ERC2: variants seen among roughly 807,000 people sequenced by gnomAD.
The protein encoded by ERC2 is ERC protein 2.
In ERC2, 42 loss-of-function variants were observed where a neutral mutation model predicts 114.8. That is an observed-to-expected ratio of 0.37 (90% CI 0.29 to 0.47). ERC2 has a LOEUF of 0.47. Ranked by LOEUF, ERC2 falls within the 20% of genes least tolerant of loss-of-function variation. ERC2 has a pLI of 0.99. For synonymous variants in ERC2, 454 were observed against 425.5 expected (o/e 1.07, Z -0.82); for missense variants, 939 against 1,150.7 (o/e 0.82, Z 2.66).
chr3:56,467,663 C>G (rs2063609792), intron 1 of ERC2, among the ~76,000 whole-genome samples: 1 of 151,988 alleles, frequency 6.6e-6, no homozygotes, highest in Non-Finnish European at 1.5e-5. Flanking sequence ...ACATCGTATT[C>G]CTTTTCATAC....
chr3:56,454,277 A>G (rs1156694938), intron 1 of ERC2, among the ~76,000 whole-genome samples: 1 of 152,182 alleles, frequency 6.6e-6, no homozygotes, highest in Non-Finnish European at 1.5e-5. Flanking sequence ...TTAGGTTAAG[A>G]TCTTGCAAGC....
chr3:55,997,883 T>G (rs1394184641), intron 10 of ERC2, among the ~76,000 whole-genome samples: 403 of 10,084 alleles, frequency 0.04, 3 homozygotes, highest in South Asian at 0.11. Flanking sequence ...TAATTCTGTT[T>G]TTTTTTTTTT....
At chr3:55,578,167 C>T (rs2057082403) in intron 17 of ERC2, among the ~76,000 whole-genome samples, 1 of 152,222 alleles carries the variant, frequency 6.6e-6, no homozygotes, top group Non-Finnish European at 1.5e-5. Context: ...ACTGGGTCTT[C>T]CAAATTTACT....
chr3:56,250,679 C>A (rs1022713347), intron 3 of ERC2, among the ~76,000 whole-genome samples: 1 of 152,144 alleles, frequency 6.6e-6, no homozygotes, highest in African/African-American at 2.4e-5. Flanking sequence ...TAAAAGCTCC[C>A]TTTCCATCAA....
intron 14 of ERC2, among the ~76,000 whole-genome samples, chr3:55,771,932 C>A (rs1481002278): frequency 6.6e-6 from 1 of 152,152 alleles, no homozygotes; most frequent in Non-Finnish European, 1.5e-5. Context: ...CCTTCACAAA[C>A]AACCACTCAC....
Position 55,734,764 on chromosome 3 carries a change from G to A in ERC2, c.2712+7C>T. On this transcript the variant is annotated splice_region_variant and intron_variant, in intron 15 of 17. Coordinates refer to ENST00000288221, the MANE Select transcript of ERC2 (RefSeq NM_015576.3). Reference sequence around the variant, plus strand: ...GAAAAACACACCTGTCTTGCAGGAGGCCCCACCTGCTGCTTTAATTGATGT... The same window carrying A: ...GAAAAACACACCTGTCTTGCAGGAGACCCCACCTGCTGCTTTAATTGATGT... 6.2e-7 allele frequency: 1 copy of A among 1,605,738 alleles called. No individual in the cohort carries two copies. Among genetic ancestry groups the A allele is most frequent in the Non-Finnish European group, 8.5e-7 (1 of 1,176,078 alleles).
chr3:56,463,412 C>T (rs2063405427), intron 1 of ERC2, among the ~76,000 whole-genome samples: 1 of 152,210 alleles, frequency 6.6e-6, no homozygotes, highest in Non-Finnish European at 1.5e-5. Context: ...CACCCAAAAA[C>T]TTCCACCTAT....
intron 3 of ERC2, among the ~76,000 whole-genome samples, chr3:56,245,393 C>G (rs1344585195): frequency 6.6e-6 from 1 of 151,976 alleles, no homozygotes; most frequent in Non-Finnish European, 1.5e-5. Context: ...TATGTCAGTA[C>G]AGCAGGCAAT....
intron 3 of ERC2, among the ~76,000 whole-genome samples, chr3:56,200,515 T>G (rs1406404372): frequency 2.0e-5 from 3 of 152,190 alleles, no homozygotes; most frequent in African/African-American, 7.2e-5. Context: ...AAGTGGCTGT[T>G]GTCCAAAGAT....
At chr3:55,706,283 C>T (rs1432358823) in intron 15 of ERC2, among the ~76,000 whole-genome samples, 1 of 152,216 alleles carries the variant, frequency 6.6e-6, no homozygotes, top group Non-Finnish European at 1.5e-5. Flanking sequence ...CCCTGTATCA[C>T]TGCCCCATTC....
At chr3:56,217,610 A>C (rs1053231909) in intron 3 of ERC2, among the ~76,000 whole-genome samples, 2 of 152,138 alleles carry the variant, frequency 1.3e-5, no homozygotes, top group African/African-American at 4.8e-5. Context: ...GCTACCAATG[A>C]CTTTCTTCAC....
At chr3:55,857,395 A>T (rs1559771855) in intron 14 of ERC2, among the ~76,000 whole-genome samples, 1 of 151,812 alleles carries the variant, frequency 6.6e-6, no homozygotes, top group African/African-American at 2.4e-5. Flanking sequence ...TCCCTGTATC[A>T]TTTTTTTTAA....
At chr3:56,193,658 CT>C (rs1477875917) in intron 3 of ERC2, among the ~76,000 whole-genome samples, 1 of 152,080 alleles carries the variant, frequency 6.6e-6, no homozygotes, top group Non-Finnish European at 1.5e-5. Flanking sequence ...GTTTTTTTAA[CT>C]TCCAATGCAT....
intron 17 of ERC2, among the ~76,000 whole-genome samples, chr3:55,633,579 G>A (rs116067577): frequency 1.3e-5 from 2 of 152,100 alleles, no homozygotes; most frequent in Non-Finnish European, 2.9e-5. Context: ...TATTTAACAG[G>A]TATTGAGAAA....
intron 2 of ERC2, among the ~76,000 whole-genome samples, chr3:56,397,924 G>A (rs4974138): frequency 0.23 from 35,673 of 152,016 alleles, 4,787 homozygotes; most frequent in Non-Finnish European, 0.3. Flanking sequence ...GCAGAAGAAG[G>A]GGGGACAAAA....
chr3:55,833,119 A>C (rs2060691193), intron 14 of ERC2, among the ~76,000 whole-genome samples: 1 of 149,922 alleles, frequency 6.7e-6, no homozygotes, highest in Middle Eastern at 3.4e-3. Flanking sequence ...TGAAAAGACC[A>C]AATCTACGTC....
At chr3:56,124,834 G>T (rs528154373) in intron 6 of ERC2, among the ~76,000 whole-genome samples, 28 of 152,240 alleles carry the variant, frequency 1.8e-4, no homozygotes, top group Non-Finnish European at 3.5e-4. Context: ...TGGGAAATGA[G>T]CTCATCAGGA....
chr3:55,935,883 T>C (rs2066411822), intron 13 of ERC2, among the ~76,000 whole-genome samples: 1 of 152,172 alleles, frequency 6.6e-6, no homozygotes, highest in Admixed American at 6.5e-5. Flanking sequence ...AGCTCAACAA[T>C]AATGCACATC....
chr3:55,759,159 A>G (rs1030934836), intron 14 of ERC2, among the ~76,000 whole-genome samples: 4 of 152,136 alleles, frequency 2.6e-5, no homozygotes, highest in East Asian at 1.9e-4. Flanking sequence ...TTTTGTACCA[A>G]TCCAACAGAG....
Sources: allele counts gnomAD v4.1 joint callset (sites outside exome capture counted in the v4.1 genomes callset), GRCh38; gene constraint gnomAD v4.1.1; transcripts MANE v1.5; gene names NCBI Gene and HGNC (gene_info 2026-07-23, HGNC 2026-07-21).